The following MED27 variants were observed in gnomAD, a reference collection of about 807,000 sequenced individuals.
MED27 encodes the protein mediator complex subunit 27, also known as mediator of RNA polymerase II transcription subunit 27.
Under a neutral mutation model 38.2 loss-of-function variants are expected in MED27, and 30 were observed. The ratio of observed to expected loss-of-function variants is 0.79; its 90% CI spans 0.59 to 1.07. The LOEUF is 1.07. Ranked by LOEUF, MED27 falls within the 50% of genes least tolerant of loss-of-function variation. The pLI, the probability that MED27 is intolerant of heterozygous loss-of-function variation, is 0.00. For synonymous variants in MED27, 122 were observed against 153.5 expected (o/e 0.79, Z 1.52); for missense variants, 289 against 397.5 (o/e 0.73, Z 2.32).
chr9:131,957,287 G>T (rs931103337), intron 3 of MED27, among the ~76,000 whole-genome samples: 1 of 151,744 alleles, frequency 6.6e-6, no homozygotes, highest in Admixed American at 6.6e-5. Flanking sequence ...TGGAGACAGG[G>T]TGTTGCTCAG....
intron 2 of MED27, among the ~76,000 whole-genome samples, chr9:132,064,222 G>A (rs1270528392): frequency 1.3e-5 from 2 of 152,160 alleles, no homozygotes; most frequent in Non-Finnish European, 2.9e-5. Flanking sequence ...TGGGTGATCG[G>A]ACACACCAAG....
chr9:132,019,171 C>G, intron 2 of MED27, among the ~76,000 whole-genome samples: 1 of 152,192 alleles, frequency 6.6e-6, no homozygotes, highest in East Asian at 1.9e-4. Flanking sequence ...GGGAGTGAAG[C>G]TGCCACCCAG....
intron 5 of MED27, among the ~76,000 whole-genome samples, chr9:131,886,297 G>A (rs180912103): frequency 3.3e-4 from 51 of 152,272 alleles, no homozygotes; most frequent in African/African-American, 1.1e-3. Context: ...ATTCTGAGGA[G>A]GCCACTCTGT....
intron 2 of MED27, among the ~76,000 whole-genome samples, chr9:132,052,145 C>G (rs1167545318): frequency 6.6e-6 from 1 of 152,148 alleles, no homozygotes; most frequent in African/African-American, 2.4e-5. Context: ...AAAACGGCAC[C>G]AGCAGGCCCT....
chr9:131,995,358 C>T (rs1832067094), intron 3 of MED27, among the ~76,000 whole-genome samples: 1 of 151,832 alleles, frequency 6.6e-6, no homozygotes, highest in Non-Finnish European at 1.5e-5. Flanking sequence ...ACGGACCCAA[C>T]AGCATGGACT....
chr9:131,863,025 A>G, intron 7 of MED27, 38 bp downstream of exon 7: 1 of 1,581,230 alleles, frequency 6.3e-7, no homozygotes, highest in South Asian at 1.1e-5. Flanking sequence ...AAGGGAGCTG[A>G]GGTTTAAACA....
intron 3 of MED27, among the ~76,000 whole-genome samples, chr9:131,973,347 T>C (rs1264116059): frequency 5.9e-5 from 9 of 152,116 alleles, no homozygotes; most frequent in Middle Eastern, 3.2e-3. Flanking sequence ...ATGACTGGGA[T>C]GCCAACAGGC....
At chr9:131,873,175 C>T (rs1432072780) in intron 6 of MED27, among the ~76,000 whole-genome samples, 1 of 152,200 alleles carries the variant, frequency 6.6e-6, no homozygotes, top group Non-Finnish European at 1.5e-5. Flanking sequence ...AAGGAGAAAA[C>T]TCTTTGTGGG....
intron 6 of MED27, among the ~76,000 whole-genome samples, chr9:131,874,792 C>T (rs149139771): frequency 3.3e-5 from 5 of 152,332 alleles, no homozygotes; most frequent in African/African-American, 7.2e-5. Context: ...GATGGTAAAA[C>T]GTCAGTTTCT....
At chr9:131,874,402 G>C (rs1262960246) in intron 6 of MED27, among the ~76,000 whole-genome samples, 2 of 152,190 alleles carry the variant, frequency 1.3e-5, no homozygotes, top group Non-Finnish European at 2.9e-5. Context: ...CATCCTCCCT[G>C]GGCCTAGCTC....
chr9:132,031,917 G>C (rs973017322), intron 2 of MED27: 2 of 152,150 alleles, frequency 1.3e-5, no homozygotes, highest in African/African-American at 4.8e-5. Flanking sequence ...TTTATTTCAA[G>C]TTTTACTGCC....
At chr9:131,873,500 C>T (rs1163458144) in intron 6 of MED27, among the ~76,000 whole-genome samples, 1 of 152,160 alleles carries the variant, frequency 6.6e-6, no homozygotes, top group Non-Finnish European at 1.5e-5. Context: ...ATCTGTACCT[C>T]GGATTTGTAT....
intron 3 of MED27, among the ~76,000 whole-genome samples, chr9:131,963,480 C>T (rs1247126966): frequency 1.3e-5 from 2 of 151,956 alleles, no homozygotes; most frequent in African/African-American, 2.4e-5. Flanking sequence ...TATATCATGG[C>T]AAAAGTATTT....
intron 4 of MED27, among the ~76,000 whole-genome samples, chr9:131,937,522 G>A (rs899008271): frequency 2.6e-5 from 4 of 152,154 alleles, no homozygotes; most frequent in Non-Finnish European, 5.9e-5. Flanking sequence ...AGGCGAGGTC[G>A]ACCATCACTG....
intron 2 of MED27, among the ~76,000 whole-genome samples, chr9:132,029,777 A>G (rs1454504101): frequency 6.6e-6 from 1 of 152,138 alleles, no homozygotes; most frequent in East Asian, 1.9e-4. Context: ...GAAATCTGGG[A>G]ACAAGGCAGG....
At chr9:131,873,021 G>A (rs1367768466) in intron 6 of MED27, among the ~76,000 whole-genome samples, 1 of 152,244 alleles carries the variant, frequency 6.6e-6, no homozygotes, top group Non-Finnish European at 1.5e-5. Flanking sequence ...CAGTTCCCAC[G>A]ATGCAGAGAT....
At chr9:131,897,335 T>C (rs974172461) in intron 4 of MED27, among the ~76,000 whole-genome samples, 1 of 152,266 alleles carries the variant, frequency 6.6e-6, no homozygotes, top group Non-Finnish European at 1.5e-5. Flanking sequence ...GCTTTTGATA[T>C]AATCTGCCAA....
intron 2 of MED27, among the ~76,000 whole-genome samples, chr9:132,058,660 T>C (rs936479032): frequency 6.6e-6 from 1 of 152,198 alleles, no homozygotes; most frequent in Non-Finnish European, 1.5e-5. Context: ...TCTCAGGTAT[T>C]TCTTCATAAC....
At position 131,973,482 on chromosome 9, in the gene MED27, A is replaced by G. The variant is rs563704288; in HGVS notation, c.480-34008T>C. ...CTTTTTTTTTTTTTTTTTTTGAGAT[A>G]GAGTCTCACTCTGTCACCAGGCTGG... is the stretch of plus-strand genomic sequence containing the variant. On this transcript the variant is annotated intron_variant, in intron 3 of 7. Coordinates refer to ENST00000292035, the MANE Select transcript of MED27 (RefSeq NM_004269.4). Among the ~76,000 whole-genome samples, 186 of 115,350 alleles carry G rather than the reference A, an allele frequency of 1.6e-3. 1 individual carries two copies. Among genetic ancestry groups the G allele is most frequent in the African/African-American group, 6.3e-3 (182 of 28,900 alleles). The allele number at this position is 115,350 out of a possible 152,430, so 75.7% of individuals were successfully genotyped here. A position where few individuals can be genotyped will look rare whatever the true frequency, so the allele number is the denominator to read the frequency against.
Sources: allele counts gnomAD v4.1 joint callset (sites outside exome capture counted in the v4.1 genomes callset), GRCh38; gene constraint gnomAD v4.1.1; transcripts MANE v1.5; gene names NCBI Gene and HGNC (gene_info 2026-07-23, HGNC 2026-07-21).